EPB41L4A: variants seen among roughly 807,000 people sequenced by gnomAD.
EPB41L4A encodes band 4.1-like protein 4A.
A neutral mutation model predicts 108.6 loss-of-function variants in EPB41L4A; 100 were observed. That is an observed-to-expected ratio of 0.92 (90% CI 0.78 to 1.09). The LOEUF (loss-of-function observed/expected upper bound fraction) is 1.09, where lower values mean the gene tolerates loss of function less well. Among genes scored for constraint, EPB41L4A ranks in the 50% least tolerant of loss-of-function variants. EPB41L4A has a pLI of 0.00. For synonymous variants in EPB41L4A, 319 were observed against 289.0 expected, an observed-to-expected ratio of 1.10 and a Z score of -1.05; for missense variants, 1,030 against 842.7, an observed-to-expected ratio of 1.22 and a Z score of -2.75.
chr5:112,339,248 G>T (rs1757110750), intron 1 of EPB41L4A, among the ~76,000 whole-genome samples: 1 of 151,944 alleles, frequency 6.6e-6, no homozygotes. Context: ...TCACACCACT[G>T]ATGGGTTTAA....
At chr5:112,150,886 G>T (rs1171432136) in intron 12 of EPB41L4A, among the ~76,000 whole-genome samples, 1 of 152,132 alleles carries the variant, frequency 6.6e-6, no homozygotes. Context: ...GACATTTTCA[G>T]ACAAATAAAG....
chr5:112,266,302 C>G lies in EPB41L4A; in HGVS notation c.364G>C (p.Asp122His). The G allele has an allele frequency of 6.2e-7, 1 of 1,607,300 alleles. No homozygotes were observed. Among genetic ancestry groups the G allele is most frequent in the Non-Finnish European group, 8.5e-7 (1 of 1,177,154 alleles). The change falls in exon 5 of 23, where the codon GAT (aspartate) becomes CAT (histidine). Residue 122 changes from aspartate (D) to histidine (H), a missense_variant. Asp to His is a moderately conservative substitution (Grantham distance 81, BLOSUM62 -1). Coordinates refer to ENST00000261486, the MANE Select transcript of EPB41L4A (RefSeq NM_022140.5). ...CAGGGCAGACGGCCCTGAAGGACATCTTGCTTCACCTGCAAGAAAAACTGA... is the reference window on the plus strand; with the variant it reads ...CAGGGCAGACGGCCCTGAAGGACATGTTGCTTCACCTGCAAGAAAAACTGA... ...RYQFFLQVKQDVLQGRLPCPV... is the reference protein window; with the variant it reads ...RYQFFLQVKQHVLQGRLPCPV...
intron 18 of EPB41L4A, among the ~76,000 whole-genome samples, chr5:112,171,843 G>C (rs1366552938): frequency 6.6e-6 from 1 of 152,118 alleles, no homozygotes; most frequent in African/African-American, 2.4e-5. Context: ...TCTAGTAATA[G>C]GCCAAAAGAA....
At chr5:112,302,221 A>T (rs1266954014) in intron 2 of EPB41L4A, among the ~76,000 whole-genome samples, 1 of 152,172 alleles carries the variant, frequency 6.6e-6, no homozygotes, top group East Asian at 1.9e-4. Flanking sequence ...AAAAAAATTC[A>T]TAGACCAGGT....
intron 18 of EPB41L4A, 115 bp downstream of exon 18, chr5:112,183,901 C>A: frequency 7.7e-7 from 1 of 1,298,630 alleles, no homozygotes; most frequent in Non-Finnish European, 1.1e-6. Flanking sequence ...GTAAATATGA[C>A]AAATAAACAA....
At chr5:112,327,424 T>C (rs821739) in intron 1 of EPB41L4A, among the ~76,000 whole-genome samples, 37,529 of 152,088 alleles carry the variant, frequency 0.25, 6,881 homozygotes, top group African/African-American at 0.52. Context: ...GTGGTAAGAA[T>C]TGCAACTTAG....
chr5:112,193,389 C>G (rs112935063), intron 17 of EPB41L4A, among the ~76,000 whole-genome samples: 7,836 of 152,240 alleles, frequency 0.051, 523 homozygotes, highest in African/African-American at 0.15. Flanking sequence ...GCAACCTTCA[C>G]CTCCCGGGTT....
intron 17 of EPB41L4A, among the ~76,000 whole-genome samples, chr5:112,187,644 C>G (rs1030578097): frequency 2.0e-5 from 3 of 152,206 alleles, no homozygotes; most frequent in African/African-American, 7.2e-5. Flanking sequence ...TACAGTCCTT[C>G]CTCTTTTGCA....
intron 1 of EPB41L4A, among the ~76,000 whole-genome samples, chr5:112,352,712 G>C (rs1758122720): frequency 6.6e-6 from 1 of 152,032 alleles, no homozygotes; most frequent in Non-Finnish European, 1.5e-5. Context: ...TTCTGTAGTG[G>C]TAGCAGCTGT....
intron 1 of EPB41L4A, among the ~76,000 whole-genome samples, chr5:112,395,795 C>T (rs1021957738): frequency 4.2e-4 from 64 of 152,304 alleles, no homozygotes; most frequent in African/African-American, 1.4e-3. Flanking sequence ...CTTATGCACA[C>T]TTATGTTTAT....
At chr5:112,395,762 T>C (rs555936426) in intron 1 of EPB41L4A, among the ~76,000 whole-genome samples, 2 of 152,290 alleles carry the variant, frequency 1.3e-5, no homozygotes, top group South Asian at 4.1e-4. Context: ...ACCCAAAGAT[T>C]ATAAATCATG....
At chr5:112,382,810 C>T (rs1412951270) in intron 1 of EPB41L4A, among the ~76,000 whole-genome samples, 1 of 152,182 alleles carries the variant, frequency 6.6e-6, no homozygotes, top group African/African-American at 2.4e-5. Context: ...TGGCTTCTAA[C>T]TCTTTCCACA....
chr5:112,142,594 C>T (rs747737184), exon 14 of EPB41L4A: 1 of 152,092 alleles, frequency 6.6e-6, no homozygotes, highest in African/African-American at 2.4e-5. Context: ...AATCTAAGAA[C>T]AGATTTATTT....
intron 1 of EPB41L4A, among the ~76,000 whole-genome samples, chr5:112,387,193 G>C (rs1473760455): frequency 6.6e-6 from 1 of 152,214 alleles, no homozygotes; most frequent in Non-Finnish European, 1.5e-5. Context: ...GCTTCAGCCA[G>C]GATGTAAGGC....
chr5:112,289,015 A>G (rs142286427), intron 2 of EPB41L4A, among the ~76,000 whole-genome samples: 2 of 152,284 alleles, frequency 1.3e-5, no homozygotes, highest in Non-Finnish European at 2.9e-5. Context: ...GAATATAAAT[A>G]ATTTTTGGTC....
chr5:112,142,875 G>C (rs1273063236), exon 14 of EPB41L4A: 1 of 152,148 alleles, frequency 6.6e-6, no homozygotes, highest in African/African-American at 2.4e-5. Flanking sequence ...ATTAAGAATA[G>C]AGACTATTTC....
At chr5:112,221,211 C>T (rs952567187) in intron 12 of EPB41L4A, among the ~76,000 whole-genome samples, 3 of 152,192 alleles carry the variant, frequency 2.0e-5, no homozygotes, top group Non-Finnish European at 4.4e-5. Flanking sequence ...TTAAAACCCC[C>T]TTCTTTTGCA....
intron 8 of EPB41L4A, 131 bp downstream of exon 8, chr5:112,259,760 C>G (rs1751362286): frequency 1.5e-6 from 1 of 680,962 alleles, no homozygotes; most frequent in African/African-American, 1.8e-5. Context: ...AAAACTCACA[C>G]CCAATTTCAC....
At chr5:112,394,323 T>C (rs1366585945) in intron 1 of EPB41L4A, among the ~76,000 whole-genome samples, 3 of 152,286 alleles carry the variant, frequency 2.0e-5, no homozygotes, top group Middle Eastern at 3.4e-3. Context: ...GATGACATGA[T>C]TGTATATTTA....
Sources: gnomAD v4.1 joint callset for allele counts (sites outside exome capture counted in the v4.1 genomes callset) on GRCh38, gnomAD v4.1.1 for gene constraint, MANE v1.5 for transcripts, NCBI Gene and HGNC (gene_info 2026-07-23, HGNC 2026-07-21) for gene names.